Variants in ZDHHC7 observed in about 807,000 individuals in gnomAD.
ZDHHC7 encodes palmitoyltransferase ZDHHC7.
Under a neutral mutation model 34.1 loss-of-function variants are expected in ZDHHC7, and 12 were observed. That is an observed-to-expected ratio of 0.35 (90% confidence interval 0.23 to 0.57). ZDHHC7 has a LOEUF of 0.57. Ranked by LOEUF, ZDHHC7 falls within the 20% of genes least tolerant of loss-of-function variation. The pLI is 0.84. For missense variants in ZDHHC7, 388 were observed against 402.7 expected, an observed-to-expected ratio of 0.96 and a Z score of 0.31; for synonymous variants, 185 against 155.4, an observed-to-expected ratio of 1.19 and a Z score of -1.42.
chr16:84,976,717 C>G (rs529130676), intron 7 of ZDHHC7, among the ~76,000 whole-genome samples, 198 bp from the exon 8 acceptor site: 6 of 152,236 alleles, frequency 3.9e-5, no homozygotes, highest in Non-Finnish European at 5.9e-5. Context: ...CGTGGCCAGC[C>G]CAGACTACCA....
At chr16:84,981,766 C>A (rs1378477871) in intron 4 of ZDHHC7, 104 bp downstream of exon 4, 2 of 1,586,924 alleles carry the variant, frequency 1.3e-6, no homozygotes, top group Non-Finnish European at 1.7e-6. Flanking sequence ...CCCAGATGCT[C>A]GGGGGCCATG....
At chr16:84,987,025 C>G (rs2072445575) in intron 3 of ZDHHC7, among the ~76,000 whole-genome samples, 1 of 152,222 alleles carries the variant, frequency 6.6e-6, no homozygotes, top group Non-Finnish European at 1.5e-5. Context: ...TCCACCTGCT[C>G]TGAGGACTGC....
At chr16:84,977,019 T>A (rs986360972) in intron 7 of ZDHHC7, 76 bp downstream of exon 7, 2 of 1,571,754 alleles carry the variant, frequency 1.3e-6, no homozygotes, top group East Asian at 2.2e-5. Context: ...CAGGCACCTA[T>A]TGTTGACATT....
chr16:85,020,794 C>G, the ZDHHC7 span, among the ~76,000 whole-genome samples: 8 of 152,082 alleles, frequency 5.3e-5, no homozygotes, highest in Non-Finnish European at 1.2e-4. Context: ...AGGACTGGAG[C>G]ACATTTGTGG....
chr16:85,024,669 C>A, the ZDHHC7 span, among the ~76,000 whole-genome samples: 1 of 143,072 alleles, frequency 7.0e-6, no homozygotes, highest in East Asian at 1.9e-4. Flanking sequence ...CCCTGCCTAT[C>A]CAGAAACGAC....
At chr16:84,990,217 T>C in intron 3 of ZDHHC7, 87 bp downstream of exon 3, 1 of 1,457,794 alleles carries the variant, frequency 6.9e-7, no homozygotes, top group Non-Finnish European at 9.4e-7. Context: ...TATGTCCCTG[T>C]GCACTGCTTC....
chr16:85,021,939 G>A, the ZDHHC7 span, among the ~76,000 whole-genome samples: 1 of 143,946 alleles, frequency 6.9e-6, no homozygotes, highest in Non-Finnish European at 1.5e-5. Context: ...GTTGGATCAC[G>A]AGGTCAGGAG....
the ZDHHC7 span, among the ~76,000 whole-genome samples, chr16:85,026,674 T>C: frequency 1.3e-5 from 2 of 151,488 alleles, no homozygotes; most frequent in Non-Finnish European, 2.9e-5. Flanking sequence ...TCTTAAGTGA[T>C]AGAACTTGTT....
upstream of ZDHHC7, among the ~76,000 whole-genome samples, chr16:85,013,201 G>C (rs188568886): frequency 1.1e-3 from 170 of 152,074 alleles, no homozygotes; most frequent in African/African-American, 3.0e-3. Context: ...AAACTCCTTT[G>C]TCCTGTCATT....
At chr16:85,021,130 G>C in the ZDHHC7 span, among the ~76,000 whole-genome samples, 13 of 149,516 alleles carry the variant, frequency 8.7e-5, no homozygotes, top group South Asian at 2.1e-4. Flanking sequence ...ATTAAAAAAG[G>C]GGGGGGTGCA....
the ZDHHC7 span, among the ~76,000 whole-genome samples, chr16:85,020,488 G>A: frequency 6.6e-6 from 1 of 152,152 alleles, no homozygotes; most frequent in Non-Finnish European, 1.5e-5. Context: ...ACTCTGACTT[G>A]GTCTGGAGGT....
At chr16:84,990,170 A>T in intron 3 of ZDHHC7, 134 bp downstream of exon 3, 1 of 1,055,704 alleles carries the variant, frequency 9.5e-7, no homozygotes, top group Non-Finnish European at 1.4e-6. Flanking sequence ...TCCCAAAATG[A>T]GCTCAATCCA....
chr16:85,016,855 T>C, the ZDHHC7 span, among the ~76,000 whole-genome samples: 1 of 152,156 alleles, frequency 6.6e-6, no homozygotes, highest in African/African-American at 2.4e-5. Context: ...TGATATGTGG[T>C]CTTCTGCCAG....
chr16:85,011,939 G>A (rs1230785883), upstream of ZDHHC7, among the ~76,000 whole-genome samples: 1 of 152,208 alleles, frequency 6.6e-6, no homozygotes, highest in African/African-American at 2.4e-5. Context: ...AAAGCACTTG[G>A]GAAAAGAGGA....
At chr16:85,009,709 C>CTTTTTT (rs543110602) in intron 1 of ZDHHC7, among the ~76,000 whole-genome samples, 1 of 126,626 alleles carries the variant, frequency 7.9e-6, no homozygotes, top group Non-Finnish European at 1.7e-5. Context: ...GACTTTTTTT[C>CTTTTTT]TTTTTTTTTT....
intron 1 of ZDHHC7, among the ~76,000 whole-genome samples, chr16:85,008,342 T>C (rs2072744921): frequency 6.6e-6 from 1 of 151,962 alleles, no homozygotes; most frequent in Admixed American, 6.5e-5. Context: ...TCAGGTGAGC[T>C]TCCCAGGCTG....
At chr16:84,976,578 A>C (rs2072300518) in intron 7 of ZDHHC7, 59 bp from the exon 8 acceptor site, 1 of 1,579,662 alleles carries the variant, frequency 6.3e-7, no homozygotes, top group African/African-American at 1.4e-5. Flanking sequence ...AGACCCCACC[A>C]AGCCTCAGAA....
rs143316818 is a variant in ZDHHC7 at position 84,996,638 on chromosome 16, C to A, written c.-103-631G>T. ...TGTAGGGAAAACCCAACAAGAAGGT[C>A]AGATTCACTGTCAGACCTCCCTAAG... On this transcript the variant is annotated intron_variant, in intron 1 of 7. Coordinates refer to ENST00000313732, the MANE Select transcript of ZDHHC7 (RefSeq NM_017740.3). Among the ~76,000 whole-genome samples, 121 of 152,240 alleles carry A rather than the reference C, an allele frequency of 7.9e-4. 1 individual carries two copies. Among genetic ancestry groups the A allele is most frequent in the Non-Finnish European group, 7.1e-4 (48 of 68,018 alleles).
At chr16:84,981,764 C>T (rs993293812) in intron 4 of ZDHHC7, 106 bp downstream of exon 4, 1 of 1,586,162 alleles carries the variant, frequency 6.3e-7, no homozygotes, top group African/African-American at 1.3e-5. Context: ...TGCCCAGATG[C>T]TCGGGGGCCA....
Sources: gnomAD v4.1 joint callset for allele counts (sites outside exome capture counted in the v4.1 genomes callset) on GRCh38, gnomAD v4.1.1 for gene constraint, MANE v1.5 for transcripts, NCBI Gene and HGNC (gene_info 2026-07-23, HGNC 2026-07-21) for gene names.